Variants in ADCY8 observed in about 807,000 individuals in gnomAD.
ADCY8 encodes the protein adenylate cyclase type 8.
A neutral mutation model predicts 119.7 loss-of-function variants in ADCY8; 51 were observed. The observed-to-expected ratio is 0.43, with a 90% CI of 0.34 to 0.54. The LOEUF is 0.54. ADCY8 is among the 20% of genes least tolerant of loss of function. The pLI is 0.03. For synonymous variants in ADCY8, 665 were observed against 651.0 expected (o/e 1.02, Z -0.33); for missense variants, 1,383 against 1,598.8 (o/e 0.87, Z 2.30).
intron 14 of ADCY8, among the ~76,000 whole-genome samples, chr8:130,810,604 A>G (rs1056631145): frequency 2.0e-5 from 3 of 152,210 alleles, no homozygotes; most frequent in African/African-American, 7.2e-5. Context: ...AATTTTCTCA[A>G]TTGCCTATTT....
At chr8:130,907,511 A>G (rs1433289837) in intron 6 of ADCY8, among the ~76,000 whole-genome samples, 1 of 152,208 alleles carries the variant, frequency 6.6e-6, no homozygotes, top group African/African-American at 2.4e-5. Flanking sequence ...AAGCACTATC[A>G]TATTTGAAAC....
At chr8:130,795,837 C>A (rs1393354731) in intron 15 of ADCY8, among the ~76,000 whole-genome samples, 2 of 152,052 alleles carry the variant, frequency 1.3e-5, no homozygotes, top group African/African-American at 4.8e-5. Flanking sequence ...CAGGGGCAGC[C>A]TTTGTTTATT....
chr8:130,832,203 G>A (rs928005804), intron 12 of ADCY8, among the ~76,000 whole-genome samples: 1 of 152,098 alleles, frequency 6.6e-6, no homozygotes, highest in African/African-American at 2.4e-5. Flanking sequence ...AGATGTTAGG[G>A]GTAAGGGTGC....
At chr8:130,924,039 G>A (rs1820390804) in intron 5 of ADCY8, among the ~76,000 whole-genome samples, 1 of 152,342 alleles carries the variant, frequency 6.6e-6, no homozygotes, top group African/African-American at 2.4e-5. Flanking sequence ...TTTGGGTATT[G>A]ATGGCAAATT....
At chr8:131,023,448 G>A (rs1369172206) in intron 1 of ADCY8, among the ~76,000 whole-genome samples, 1 of 152,154 alleles carries the variant, frequency 6.6e-6, no homozygotes, top group African/African-American at 2.4e-5. Flanking sequence ...GCCTTGGTAG[G>A]TCACAGAGCA....
intron 9 of ADCY8, among the ~76,000 whole-genome samples, chr8:130,850,241 A>G (rs574012130): frequency 2.6e-5 from 4 of 152,166 alleles, no homozygotes; most frequent in Non-Finnish European, 5.9e-5. Flanking sequence ...TAAGTTGCTC[A>G]GGTTGGTTCC....
chr8:130,994,865 C>A (rs1822717156), intron 1 of ADCY8, among the ~76,000 whole-genome samples: 1 of 152,118 alleles, frequency 6.6e-6, no homozygotes. Context: ...CACTCCCATT[C>A]TCTTGTGGAA....
intron 8 of ADCY8, among the ~76,000 whole-genome samples, chr8:130,876,944 C>A (rs946021436): frequency 3.9e-5 from 6 of 152,124 alleles, no homozygotes; most frequent in African/African-American, 1.4e-4. Context: ...ACACAGTGAA[C>A]TCTACTTGAA....
At chr8:130,851,524 A>G (rs1817528567) in intron 9 of ADCY8, among the ~76,000 whole-genome samples, 1 of 152,204 alleles carries the variant, frequency 6.6e-6, no homozygotes, top group Non-Finnish European at 1.5e-5. Flanking sequence ...CCTGTAGGCA[A>G]TGTGCAGAAG....
intron 14 of ADCY8, among the ~76,000 whole-genome samples, chr8:130,807,979 G>T: frequency 2.4e-5 from 1 of 42,250 alleles, no homozygotes; most frequent in Non-Finnish European, 4.0e-5. Flanking sequence ...GCGAGACTCC[G>T]TCTCAAAAAA....
intron 1 of ADCY8, among the ~76,000 whole-genome samples, chr8:131,013,726 T>C (rs908111371): frequency 1.1e-4 from 16 of 151,652 alleles, no homozygotes; most frequent in African/African-American, 3.2e-4. Flanking sequence ...TGAAGAAGCA[T>C]TTTGATTCAT....
Position 130,990,447 on chromosome 8 carries a change from C to T in ADCY8, c.1056G>A (p.Glu352=). ...SDRAQRQAFL[E]TRRCVEARLR... ...GCCTGGCCTCCACACACCTCCGAGTCTCCAGGAAAGCTTGGCGCTGGGCCC... is the reference window on the plus strand; with the variant it reads ...GCCTGGCCTCCACACACCTCCGAGTTTCCAGGAAAGCTTGGCGCTGGGCCC... Residue 352 remains glutamate (E), a synonymous_variant, in exon 2 of 18, where the codon GAG becomes GAA. Coordinates refer to ENST00000286355, the MANE Select transcript of ADCY8 (RefSeq NM_001115.3). The T allele has an allele frequency of 6.2e-7, 1 of 1,614,224 alleles. No homozygotes were observed. The highest frequency in any genetic ancestry group is 1.1e-5 in the South Asian group (1 of 91,092).
chr8:130,943,320 A>T (rs1261890256), intron 4 of ADCY8, 31 bp downstream of exon 4: 1 of 1,512,056 alleles, frequency 6.6e-7, no homozygotes, highest in South Asian at 1.1e-5. Context: ...CACTCCTGCA[A>T]AAGACGAGGA....
chr8:131,000,404 G>A (rs1822905981), intron 1 of ADCY8, among the ~76,000 whole-genome samples: 1 of 152,264 alleles, frequency 6.6e-6, no homozygotes. Context: ...GCAGGTAAAC[G>A]AGCCTGGCTG....
chr8:130,839,655 A>T (rs971234049), intron 11 of ADCY8, among the ~76,000 whole-genome samples: 2 of 140,398 alleles, frequency 1.4e-5, no homozygotes, highest in African/African-American at 4.9e-5. Flanking sequence ...GCAATTACTT[A>T]GTTTCTGTCA....
rs180766870 is a variant in ADCY8 at position 130,882,501 on chromosome 8, G to A, written c.2109+2063C>T. ...CAGCACGGGATTGTCTTCTTCGTACGAAACCCTGGGAAATCAAGTCCTGGG... is the reference window on the plus strand; with the variant it reads ...CAGCACGGGATTGTCTTCTTCGTACAAAACCCTGGGAAATCAAGTCCTGGG... On this transcript the variant is annotated intron_variant, in intron 8 of 17. Transcript: ENST00000286355. 3.6e-3 allele frequency among the ~76,000 whole-genome samples: 549 copies of A among 152,152 alleles called. 3 individuals carry two copies. Among genetic ancestry groups the A allele is most frequent in the Middle Eastern group, 0.031 (9 of 294 alleles).
intron 2 of ADCY8, among the ~76,000 whole-genome samples, chr8:130,955,142 G>C (rs1318903147): frequency 1.3e-5 from 2 of 152,080 alleles, no homozygotes; most frequent in Admixed American, 6.6e-5. Flanking sequence ...AGACTGACAG[G>C]CTCCTGGAAT....
intron 4 of ADCY8, among the ~76,000 whole-genome samples, chr8:130,940,281 T>C (rs1035669313): frequency 2.6e-5 from 4 of 152,168 alleles, no homozygotes; most frequent in Non-Finnish European, 2.9e-5. Context: ...GCAGGAATTA[T>C]GGCAAAGTCC....
At chr8:130,994,643 T>A (rs1026961436) in intron 1 of ADCY8, among the ~76,000 whole-genome samples, 1 of 152,240 alleles carries the variant, frequency 6.6e-6, no homozygotes, top group Non-Finnish European at 1.5e-5. Context: ...CAAGTGGGCA[T>A]GAACATTTTG....
Sources: gnomAD v4.1 joint callset for allele counts (sites outside exome capture counted in the v4.1 genomes callset) on GRCh38, gnomAD v4.1.1 for gene constraint, MANE v1.5 for transcripts, NCBI Gene and HGNC (gene_info 2026-07-23, HGNC 2026-07-21) for gene names.